Variants in NDUFV2 observed in about 807,000 individuals in gnomAD.
NDUFV2 encodes the protein NADH dehydrogenase [ubiquinone] flavoprotein 2, mitochondrial.
NDUFV2 carries 18 observed loss-of-function variants against 31.6 expected under a neutral mutation model. The ratio of observed to expected loss-of-function variants is 0.57; its 90% CI spans 0.39 to 0.84. The LOEUF is 0.84. Ranked by LOEUF, NDUFV2 falls within the 40% of genes least tolerant of loss-of-function variation. The pLI, the probability that NDUFV2 is intolerant of heterozygous loss-of-function variation, is 0.00. For synonymous variants in NDUFV2, 83 were observed against 99.8 expected, an observed-to-expected ratio of 0.83 and a Z score of 1.01; for missense variants, 314 against 303.6, an observed-to-expected ratio of 1.03 and a Z score of -0.26.
At chr18:9,112,121 C>A (rs1294717824) in intron 1 of NDUFV2, among the ~76,000 whole-genome samples, 1 of 150,068 alleles carries the variant, frequency 6.7e-6, no homozygotes, top group East Asian at 2.0e-4. Context: ...TGGGTTCAAG[C>A]AATTCTCCTG....
At chr18:9,108,984 C>T (rs1408106004) in intron 1 of NDUFV2, among the ~76,000 whole-genome samples, 1 of 152,064 alleles carries the variant, frequency 6.6e-6, no homozygotes, top group Admixed American at 6.5e-5. Context: ...GCCACTGCAC[C>T]CAGCCTCAAG....
In NDUFV2 at chr18:9,126,879, G is replaced by T. The variant is rs749586530; in HGVS notation, c.628G>T (p.Ala210Ser). Residue 210 changes from alanine to serine, a missense_variant, in exon 7 of 8, where the codon GCT becomes TCT. Ala to Ser is a moderately conservative substitution (Grantham distance 99). Coordinates refer to ENST00000318388, the MANE Select transcript of NDUFV2 (RefSeq NM_021074.5). ...TGAAGAAATTATTGATGAGCTCAAG[G>T]CTGGCAAAATCCCAAAACCAGGGCC... is the stretch of plus-strand genomic sequence containing the variant. ...DIEEIIDELK[A>S]GKIPKPGPRS... 2 of 1,613,914 alleles carry T rather than the reference G, an allele frequency of 1.2e-6. No individual in the cohort carries two copies. The highest frequency in any genetic ancestry group is 1.7e-6 in the Non-Finnish European group (2 of 1,179,908).
At chr18:9,108,208 T>G (rs1179862107) in intron 1 of NDUFV2, among the ~76,000 whole-genome samples, 1 of 152,224 alleles carries the variant, frequency 6.6e-6, no homozygotes, top group African/African-American at 2.4e-5. Context: ...ATATAAAATT[T>G]AGCCAAATTA....
chr18:9,119,008 T>C (rs1568190973), intron 2 of NDUFV2, among the ~76,000 whole-genome samples: 2 of 152,126 alleles, frequency 1.3e-5, no homozygotes, highest in African/African-American at 2.4e-5. Context: ...AATGTTTTGG[T>C]AATTCTATCA....
chr18:9,110,501 A>G (rs541078038), intron 1 of NDUFV2, among the ~76,000 whole-genome samples: 245 of 151,740 alleles, frequency 1.6e-3, no homozygotes, highest in African/African-American at 5.7e-3. Flanking sequence ...TTCTTTCTTT[A>G]TTGTTTGTTT....
chr18:9,129,704 G>C (rs2078023523), intron 7 of NDUFV2, among the ~76,000 whole-genome samples: 1 of 152,120 alleles, frequency 6.6e-6, no homozygotes, highest in Non-Finnish European at 1.5e-5. Context: ...GATGTATCAG[G>C]GTCCTGGAAG....
chr18:9,133,753 T>C (rs1161921091), intron 7 of NDUFV2, among the ~76,000 whole-genome samples: 1 of 152,210 alleles, frequency 6.6e-6, no homozygotes. Flanking sequence ...TGCTCTAGTT[T>C]ATTAAAACAT....
chr18:9,124,562 C>A (rs190824015), intron 5 of NDUFV2, among the ~76,000 whole-genome samples: 15 of 151,494 alleles, frequency 9.9e-5, no homozygotes, highest in African/African-American at 3.1e-4. Flanking sequence ...CACTCTCCTG[C>A]CTCAGCCTCC....
intron 7 of NDUFV2, among the ~76,000 whole-genome samples, chr18:9,130,551 G>A (rs2078031348): frequency 6.6e-6 from 1 of 152,164 alleles, no homozygotes; most frequent in African/African-American, 2.4e-5. Flanking sequence ...ATACTAGAAT[G>A]TCTTGTCAGC....
chr18:9,127,000 A>G, intron 7 of NDUFV2, 93 bp downstream of exon 7: 2 of 984,728 alleles, frequency 2.0e-6, no homozygotes, highest in Non-Finnish European at 3.3e-6. Context: ...CCTTAAGTTC[A>G]TAGGAATTGG....
intron 1 of NDUFV2, among the ~76,000 whole-genome samples, chr18:9,115,514 A>G (rs1227890405): frequency 6.6e-6 from 1 of 152,166 alleles, no homozygotes; most frequent in Non-Finnish European, 1.5e-5. Context: ...CTTTATCCTC[A>G]TTTTGTACTG....
At chr18:9,107,926 A>G (rs1158368715) in intron 1 of NDUFV2, among the ~76,000 whole-genome samples, 1 of 152,128 alleles carries the variant, frequency 6.6e-6, no homozygotes, top group Non-Finnish European at 1.5e-5. Context: ...AGTTGAGATA[A>G]TGCTGTAGGT....
At chr18:9,127,006 A>G in intron 7 of NDUFV2, 99 bp downstream of exon 7, 2 of 935,736 alleles carry the variant, frequency 2.1e-6, no homozygotes, top group Non-Finnish European at 3.5e-6. Flanking sequence ...GTTCATAGGA[A>G]TTGGTAGGAG....
intron 4 of NDUFV2, 91 bp downstream of exon 4, chr18:9,119,681 G>A (rs2077920669): frequency 9.1e-7 from 1 of 1,100,896 alleles, no homozygotes; most frequent in Non-Finnish European, 1.4e-6. Flanking sequence ...CATCTCCAGT[G>A]TCAGAATCTA....
At chr18:9,104,917 T>C in intron 1 of NDUFV2, 1 of 1,496,934 alleles carries the variant, frequency 6.7e-7, no homozygotes, top group African/African-American at 1.4e-5. Flanking sequence ...TTACCATTGT[T>C]AACATTTTGA....
chr18:9,124,746 CCT>C, intron 5 of NDUFV2, 126 bp from the exon 6 acceptor site: 1 of 946,554 alleles, frequency 1.1e-6, no homozygotes, highest in South Asian at 1.7e-5. Flanking sequence ...CCGCGCCTGG[CCT>C]CTTTTTAAAA....
At chr18:9,107,990 C>T (rs1024754013) in intron 1 of NDUFV2, among the ~76,000 whole-genome samples, 3 of 152,236 alleles carry the variant, frequency 2.0e-5, no homozygotes, top group African/African-American at 7.2e-5. Context: ...GACTGAACCC[C>T]GGGTCCACTG....
At chr18:9,117,185 C>T (rs1374466169) in intron 1 of NDUFV2, among the ~76,000 whole-genome samples, 4 of 151,960 alleles carry the variant, frequency 2.6e-5, no homozygotes, top group East Asian at 1.9e-4. Flanking sequence ...TACCAGCGTG[C>T]GCCACCACGC....
At chr18:9,104,058 G>A (rs1245048724) in intron 1 of NDUFV2, 1 of 1,283,464 alleles carries the variant, frequency 7.8e-7, no homozygotes. Flanking sequence ...TTAGAGAGAT[G>A]AATAGGGTCA....
Sources: allele counts gnomAD v4.1 joint callset (sites outside exome capture counted in the v4.1 genomes callset), GRCh38; gene constraint gnomAD v4.1.1; transcripts MANE v1.5; gene names NCBI Gene and HGNC (gene_info 2026-07-23, HGNC 2026-07-21).